NPAS3: variants seen among roughly 807,000 people sequenced by gnomAD.
NPAS3 encodes neuronal PAS domain protein 3, also known as neuronal PAS domain-containing protein 3.
A neutral mutation model predicts 73.1 loss-of-function variants in NPAS3; 14 were observed. The ratio of observed to expected loss-of-function variants is 0.19; its 90% CI spans 0.13 to 0.30. The LOEUF is 0.30. Ranked by LOEUF, NPAS3 falls within the 10% of genes least tolerant of loss-of-function variation. The probability of loss-of-function intolerance (pLI) is 1.00; values close to 1 mark genes in which losing one functional copy is unlikely to be tolerated. For synonymous variants in NPAS3, 620 were observed against 541.5 expected (o/e 1.14, Z -2.01); for missense variants, 1,096 against 1,250.0 (o/e 0.88, Z 1.86).
At chr14:33,213,175 ACCCTGAAAGC>A (rs2047099665) in intron 2 of NPAS3, among the ~76,000 whole-genome samples, 1 of 151,820 alleles carries the variant, frequency 6.6e-6, no homozygotes, top group Non-Finnish European at 1.5e-5. Context: ...CCCTGCCTGA[ACCCTGAAAGC>A]CCTTGAGTTC....
At chr14:33,040,277 AT>A (rs2040309520) in intron 1 of NPAS3, among the ~76,000 whole-genome samples, 1 of 152,288 alleles carries the variant, frequency 6.6e-6, no homozygotes, top group South Asian at 2.1e-4. Context: ...AATAATAGGC[AT>A]TTTTAAGTAT....
chr14:33,777,420 T>A (rs74044711), intron 8 of NPAS3, among the ~76,000 whole-genome samples: 4,045 of 151,934 alleles, frequency 0.027, 159 homozygotes, highest in African/African-American at 0.09. Context: ...TTAATTATGT[T>A]TCTTTTTTTG....
intron 4 of NPAS3, among the ~76,000 whole-genome samples, chr14:33,398,491 C>G (rs2047317477): frequency 6.7e-6 from 1 of 149,776 alleles, no homozygotes; most frequent in African/African-American, 2.5e-5. Flanking sequence ...ACTGTTTTAA[C>G]TTTTTCTTAG....
chr14:33,241,512 A>C (rs74714567), intron 3 of NPAS3, among the ~76,000 whole-genome samples: 1 of 151,964 alleles, frequency 6.6e-6, no homozygotes, highest in Non-Finnish European at 1.5e-5. Flanking sequence ...TGACGGAATG[A>C]AATGGAGCCC....
At chr14:33,410,507 A>G (rs1257751833) in intron 4 of NPAS3, among the ~76,000 whole-genome samples, 2 of 152,196 alleles carry the variant, frequency 1.3e-5, no homozygotes, top group Non-Finnish European at 2.9e-5. Flanking sequence ...TGTTATTTCA[A>G]TCAATTCCCT....
chr14:33,293,941 C>T (rs1462678045), intron 3 of NPAS3, among the ~76,000 whole-genome samples: 2 of 152,152 alleles, frequency 1.3e-5, no homozygotes, highest in Non-Finnish European at 2.9e-5. Context: ...TGCAGCAAGA[C>T]AACATTTATT....
intron 2 of NPAS3, among the ~76,000 whole-genome samples, chr14:33,172,633 G>T (rs973624759): frequency 6.6e-6 from 1 of 152,028 alleles, no homozygotes; most frequent in Non-Finnish European, 1.5e-5. Flanking sequence ...CTACTTGGGG[G>T]GCTGAGGCAG....
intron 4 of NPAS3, among the ~76,000 whole-genome samples, chr14:33,531,866 T>TGA (rs780871178): frequency 3.3e-4 from 50 of 152,146 alleles, no homozygotes; most frequent in Non-Finnish European, 6.6e-4. Flanking sequence ...TTAGCCATTC[T>TGA]GATAGGTGTG....
At chr14:33,748,073 C>T (rs939993015) in intron 7 of NPAS3, among the ~76,000 whole-genome samples, 2 of 152,130 alleles carry the variant, frequency 1.3e-5, no homozygotes, top group African/African-American at 4.8e-5. Context: ...GTTTCAGGCA[C>T]ACAGTAGAAA....
intron 4 of NPAS3, among the ~76,000 whole-genome samples, chr14:33,458,675 T>A (rs1436893115): frequency 2.0e-5 from 3 of 152,236 alleles, no homozygotes; most frequent in Non-Finnish European, 4.4e-5. Context: ...CGTTCTTCAG[T>A]GCAAAATTTA....
intron 1 of NPAS3, among the ~76,000 whole-genome samples, chr14:33,036,727 TA>T (rs148222698): frequency 1.1e-4 from 17 of 151,658 alleles, no homozygotes; most frequent in East Asian, 5.8e-4. Context: ...TAAAAACAGT[TA>T]AAAAAAAATC....
At chr14:33,428,229 G>C (rs1269465617) in intron 4 of NPAS3, among the ~76,000 whole-genome samples, 2 of 152,072 alleles carry the variant, frequency 1.3e-5, no homozygotes, top group African/African-American at 4.8e-5. Context: ...CTTGCTACCT[G>C]TGTGACCATG....
chr14:33,183,421 GTTTTTTTT>G (rs55643715), intron 2 of NPAS3, among the ~76,000 whole-genome samples: 52 of 60,770 alleles, frequency 8.6e-4, no homozygotes, highest in East Asian at 4.2e-3. Flanking sequence ...GTGAGACTCT[GTTTTTTTT>G]TTTTTTTTTT....
At chr14:33,304,101 G>T (rs562720430) in intron 3 of NPAS3, among the ~76,000 whole-genome samples, 1 of 152,256 alleles carries the variant, frequency 6.6e-6, no homozygotes, top group Non-Finnish European at 1.5e-5. Flanking sequence ...TAAAGACGGG[G>T]TTCACTACCA....
chr14:33,434,363 C>T (rs927317970), intron 4 of NPAS3, among the ~76,000 whole-genome samples: 2 of 151,638 alleles, frequency 1.3e-5, no homozygotes, highest in African/African-American at 4.8e-5. Flanking sequence ...CCCATCTCTA[C>T]AAAAAATACA....
chr14:33,195,355 C>T (rs945787637), intron 2 of NPAS3, among the ~76,000 whole-genome samples: 1 of 152,090 alleles, frequency 6.6e-6, no homozygotes, highest in Admixed American at 6.5e-5. Context: ...ACTGCAACCT[C>T]CACCTCCTGG....
intron 9 of NPAS3, among the ~76,000 whole-genome samples, chr14:33,785,953 C>T (rs940458621): frequency 1.3e-5 from 2 of 152,184 alleles, no homozygotes; most frequent in African/African-American, 2.4e-5. Flanking sequence ...GTTTTGTGTT[C>T]ATTTTGGAGC....
chr14:33,379,976 T>TTGTGTGTGTGTGTG (rs1397567494), intron 4 of NPAS3, among the ~76,000 whole-genome samples: 1 of 54,226 alleles, frequency 1.8e-5, no homozygotes, highest in Non-Finnish European at 4.0e-5. Flanking sequence ...TAGTTATCCC[T>TTGTGTGTGTGTGTG]CGTGTGTGTG....
chr14:33,335,030 T>TTGTGTGTGTGCATG (rs1491383211), intron 3 of NPAS3, among the ~76,000 whole-genome samples: 1 of 144,150 alleles, frequency 6.9e-6, no homozygotes, highest in African/African-American at 2.7e-5. Context: ...TGGTATTCCA[T>TTGTGTGTGTGCATG]TGTGTGTGTG....
Sources: gnomAD v4.1 joint callset for allele counts (sites outside exome capture counted in the v4.1 genomes callset) on GRCh38, gnomAD v4.1.1 for gene constraint, MANE v1.5 for transcripts, NCBI Gene and HGNC (gene_info 2026-07-23, HGNC 2026-07-21) for gene names.